Variants in CSMD1 observed in about 807,000 individuals in gnomAD.
CSMD1 encodes CUB and Sushi multiple domains 1.
Under a neutral mutation model 417.5 loss-of-function variants are expected in CSMD1, and 213 were observed. That is an observed-to-expected ratio of 0.51 (90% CI 0.46 to 0.57). The LOEUF is 0.57. Ranked by LOEUF, CSMD1 falls within the 20% of genes least tolerant of loss-of-function variation. CSMD1 has a pLI of 0.00. For synonymous variants in CSMD1, 2,862 were observed against 1,736.8 expected (o/e 1.65, Z -16.11); for missense variants, 6,923 against 4,529.7 (o/e 1.53, Z -15.17).
intron 54 of CSMD1, among the ~76,000 whole-genome samples, chr8:2,989,924 G>A (rs980854890): frequency 6.6e-6 from 1 of 152,138 alleles, no homozygotes; most frequent in African/African-American, 2.4e-5. Flanking sequence ...ACGAATAATT[G>A]TATTGATGGT....
chr8:4,167,071 A>T (rs1428595773), intron 3 of CSMD1, among the ~76,000 whole-genome samples: 2 of 152,174 alleles, frequency 1.3e-5, no homozygotes, highest in Non-Finnish European at 2.9e-5. Context: ...GGAGAAAAAA[A>T]CTTAGAATAT....
intron 2 of CSMD1, among the ~76,000 whole-genome samples, chr8:4,486,180 CATATATATATATATATATACATACAT>C (rs1563223802): frequency 0.071 from 1,193 of 16,916 alleles, 17 homozygotes; most frequent in Non-Finnish European, 0.082. Context: ...TATATACATA[CATATATATATATATATATACATACAT>C]ATATATATAT....
intron 4 of CSMD1, among the ~76,000 whole-genome samples, chr8:4,019,338 G>C (rs970132992): frequency 6.6e-6 from 1 of 152,166 alleles, no homozygotes; most frequent in African/African-American, 2.4e-5. Context: ...TTGCTTATCT[G>C]GGAGGGAGAG....
chr8:4,870,981 G>A (rs1023989452), intron 1 of CSMD1, among the ~76,000 whole-genome samples: 2 of 152,070 alleles, frequency 1.3e-5, no homozygotes, highest in African/African-American at 2.4e-5. Context: ...CAGGGACTCA[G>A]GGGATGCCAC....
At chr8:4,251,274 T>A (rs1028470074) in intron 3 of CSMD1, among the ~76,000 whole-genome samples, 3 of 152,078 alleles carry the variant, frequency 2.0e-5, no homozygotes, top group Admixed American at 6.6e-5. Context: ...GAAGGCTTTT[T>A]AAAAAAAATG....
Position 3,753,983 on chromosome 8 carries a change from T to C in CSMD1, c.878A>G (p.His293Arg), listed in dbSNP as rs773048794. 2 of 1,612,684 alleles carry C rather than the reference T, an allele frequency of 1.2e-6. No individual in the cohort carries two copies. Among genetic ancestry groups the C allele is most frequent in the Non-Finnish European group, 1.7e-6 (2 of 1,179,356 alleles). ...VISSKNWLRLHFTSDSNHRRK... is the reference protein window; with the variant it reads ...VISSKNWLRLRFTSDSNHRRK... ...TCGGTGGTTGCTGTCAGAGGTGAAATGGAGTCGTAGCCAATTCTTGCTACT... is the reference window on the plus strand; with the variant it reads ...TCGGTGGTTGCTGTCAGAGGTGAAACGGAGTCGTAGCCAATTCTTGCTACT... Residue 293 changes from histidine (H) to arginine (R), a missense_variant, in exon 6 of 70, where the codon CAT becomes CGT. Coordinates refer to ENST00000635120, the MANE Select transcript of CSMD1 (RefSeq NM_033225.6).
intron 3 of CSMD1, among the ~76,000 whole-genome samples, chr8:4,417,177 T>A (rs571834716): frequency 6.6e-6 from 1 of 152,188 alleles, no homozygotes; most frequent in African/African-American, 2.4e-5. Context: ...ATACTGTAAA[T>A]AATCAATGTT....
chr8:4,094,961 A>C (rs1172883807), intron 3 of CSMD1, among the ~76,000 whole-genome samples: 1 of 152,216 alleles, frequency 6.6e-6, no homozygotes, highest in Non-Finnish European at 1.5e-5. Flanking sequence ...GAGATAGTGA[A>C]TAAAGTATTC....
At chr8:4,648,342 G>C (rs576066182) in intron 1 of CSMD1, among the ~76,000 whole-genome samples, 21 of 152,072 alleles carry the variant, frequency 1.4e-4, no homozygotes, top group African/African-American at 3.1e-4. Context: ...AGGATATAAT[G>C]ACATGATCCA....
intron 22 of CSMD1, among the ~76,000 whole-genome samples, chr8:3,347,266 C>G (rs1385454579): frequency 6.6e-6 from 1 of 152,208 alleles, no homozygotes; most frequent in Non-Finnish European, 1.5e-5. Context: ...TGCCCATTCT[C>G]CAACCCCTAG....
At chr8:4,905,931 G>C (rs577775182) in intron 1 of CSMD1, among the ~76,000 whole-genome samples, 9 of 151,462 alleles carry the variant, frequency 5.9e-5, no homozygotes, top group Admixed American at 5.9e-4. Context: ...CCTTTCACCA[G>C]TCCCAGTTTC....
At chr8:3,336,360 C>T (rs1427790638) in intron 23 of CSMD1, among the ~76,000 whole-genome samples, 2 of 152,194 alleles carry the variant, frequency 1.3e-5, no homozygotes, top group Non-Finnish European at 2.9e-5. Context: ...ACATGTGTCA[C>T]CTTCTATAGC....
At chr8:4,338,085 A>G (rs1257666032) in intron 3 of CSMD1, among the ~76,000 whole-genome samples, 1 of 152,244 alleles carries the variant, frequency 6.6e-6, no homozygotes, top group East Asian at 1.9e-4. Flanking sequence ...TAATACATGC[A>G]CTTTTATGTG....
At chr8:4,037,975 A>G (rs1797703796) in intron 3 of CSMD1, among the ~76,000 whole-genome samples, 2 of 152,196 alleles carry the variant, frequency 1.3e-5, no homozygotes, top group Admixed American at 6.5e-5. Flanking sequence ...GAAACAATGA[A>G]TCAAAAAATA....
At chr8:3,344,218 T>A (rs1340842691) in intron 22 of CSMD1, among the ~76,000 whole-genome samples, 1 of 152,170 alleles carries the variant, frequency 6.6e-6, no homozygotes, top group Non-Finnish European at 1.5e-5. Context: ...TGGGTCTGTG[T>A]CACCATCATA....
At chr8:4,072,498 T>C (rs1432201475) in intron 3 of CSMD1, among the ~76,000 whole-genome samples, 1 of 152,186 alleles carries the variant, frequency 6.6e-6, no homozygotes, top group East Asian at 1.9e-4. Context: ...GTGACTATAA[T>C]CCATGCAATT....
chr8:4,163,803 T>C (rs999989141), intron 3 of CSMD1, among the ~76,000 whole-genome samples: 2 of 152,178 alleles, frequency 1.3e-5, no homozygotes, highest in African/African-American at 4.8e-5. Context: ...GTCATTACAT[T>C]TTAATTTTCT....
At chr8:3,366,613 G>C (rs1809582833) in intron 20 of CSMD1, among the ~76,000 whole-genome samples, 1 of 152,118 alleles carries the variant, frequency 6.6e-6, no homozygotes, top group African/African-American at 2.4e-5. Flanking sequence ...CCTAGAGGTG[G>C]TTGTCAATGC....
intron 3 of CSMD1, among the ~76,000 whole-genome samples, chr8:4,280,403 C>T (rs1796714409): frequency 6.6e-6 from 1 of 152,180 alleles, no homozygotes; most frequent in South Asian, 2.1e-4. Context: ...TGTCTAGAAT[C>T]TGACAATTAA....
Sources: allele counts gnomAD v4.1 joint callset (sites outside exome capture counted in the v4.1 genomes callset), GRCh38; gene constraint gnomAD v4.1.1; transcripts MANE v1.5; gene names NCBI Gene and HGNC (gene_info 2026-07-23, HGNC 2026-07-21).